Variants in NFIB observed in about 807,000 individuals in gnomAD.
NFIB encodes nuclear factor I B.
Under a neutral mutation model 61.5 loss-of-function variants are expected in NFIB, and 11 were observed. The observed-to-expected ratio is 0.18, with a 90% CI of 0.11 to 0.30. The LOEUF (loss-of-function observed/expected upper bound fraction) is 0.30. Ranked by LOEUF, NFIB falls within the 10% of genes least tolerant of loss-of-function variation. The pLI, the probability that NFIB is intolerant of heterozygous loss-of-function variation, is 1.00. For synonymous variants in NFIB, 260 were observed against 216.5 expected (o/e 1.20, Z -1.76); for missense variants, 471 against 608.9 (o/e 0.77, Z 2.38).
At chr9:14,286,510 T>C (rs777381120) in intron 2 of NFIB, among the ~76,000 whole-genome samples, 2 of 152,248 alleles carry the variant, frequency 1.3e-5, no homozygotes, top group Non-Finnish European at 2.9e-5. Flanking sequence ...TCCATTCTCA[T>C]GATCTCACTA....
chr9:14,306,958 C>T (rs761321969), intron 2 of NFIB, 31 bp downstream of exon 2: 6 of 1,607,248 alleles, frequency 3.7e-6, no homozygotes, highest in Admixed American at 3.3e-5. Flanking sequence ...CGGTGTTTGC[C>T]GTGCTAGAAA....
At chr9:14,204,342 T>G in intron 2 of NFIB, 1 of 789,068 alleles carries the variant, frequency 1.3e-6, no homozygotes, top group Non-Finnish European at 2.2e-6. Flanking sequence ...AACCCCCTGT[T>G]TGAGAAAAGG....
intron 2 of NFIB, among the ~76,000 whole-genome samples, chr9:14,240,518 G>C (rs1054067252): frequency 1.3e-5 from 2 of 152,146 alleles, no homozygotes; most frequent in Non-Finnish European, 2.9e-5. Context: ...ACACAAGACT[G>C]CTTCAAACTT....
intron 10 of NFIB, among the ~76,000 whole-genome samples, chr9:14,097,694 C>A (rs544816433): frequency 1.1e-4 from 17 of 151,876 alleles, no homozygotes; most frequent in Non-Finnish European, 1.9e-4. Flanking sequence ...TGGTTTGCAA[C>A]CCATTATTGA....
the NFIB span, among the ~76,000 whole-genome samples, chr9:14,409,665 G>A: frequency 6.6e-6 from 1 of 152,182 alleles, no homozygotes; most frequent in South Asian, 2.1e-4. Flanking sequence ...TGCTGAAAAA[G>A]TAGAAAGAAA....
intron 3 of NFIB, among the ~76,000 whole-genome samples, chr9:14,167,953 A>C (rs2045086674): frequency 6.6e-6 from 1 of 152,192 alleles, no homozygotes; most frequent in Non-Finnish European, 1.5e-5. Flanking sequence ...CTGAATCAGC[A>C]ATTATATTGG....
intron 2 of NFIB, among the ~76,000 whole-genome samples, chr9:14,275,372 C>T (rs994299425): frequency 6.6e-6 from 1 of 152,136 alleles, no homozygotes; most frequent in African/African-American, 2.4e-5. Context: ...CATATCAGTT[C>T]TGGGATTTTC....
chr9:14,310,814 T>C (rs1259922806), intron 1 of NFIB, among the ~76,000 whole-genome samples: 2 of 152,152 alleles, frequency 1.3e-5, no homozygotes, highest in African/African-American at 2.4e-5. Context: ...ATTTCAGATA[T>C]AAAAATAAAG....
intron 2 of NFIB, among the ~76,000 whole-genome samples, chr9:14,299,200 T>C (rs1232491810): frequency 6.6e-6 from 1 of 152,202 alleles, no homozygotes; most frequent in African/African-American, 2.4e-5. Context: ...CATGATTAGA[T>C]TTTTTGTCCC....
At chr9:14,498,062 G>A in the NFIB span, among the ~76,000 whole-genome samples, 1 of 152,160 alleles carries the variant, frequency 6.6e-6, no homozygotes, top group African/African-American at 2.4e-5. Flanking sequence ...TATGTCACTT[G>A]CAACTAAAAG....
intron 2 of NFIB, among the ~76,000 whole-genome samples, chr9:14,218,140 A>T (rs930376027): frequency 1.8e-4 from 27 of 152,210 alleles, no homozygotes; most frequent in African/African-American, 4.8e-4. Context: ...GAGAGCTCCA[A>T]GGTGGTATTT....
At chr9:14,399,233 G>A (rs544422907), upstream of NFIB, among the ~76,000 whole-genome samples, 1 of 152,312 alleles carries the variant, frequency 6.6e-6, no homozygotes, top group African/African-American at 2.4e-5. Context: ...AAAATTACAA[G>A]TGTGACTCTT....
chr9:14,355,829 T>C (rs961167664), intron 1 of NFIB, among the ~76,000 whole-genome samples: 2 of 151,904 alleles, frequency 1.3e-5, no homozygotes, highest in African/African-American at 2.4e-5. Context: ...TGGTGGCGGG[T>C]GCCTGTAGTC....
intron 8 of NFIB, among the ~76,000 whole-genome samples, chr9:14,118,876 T>A (rs751445435): frequency 6.6e-5 from 10 of 151,438 alleles, no homozygotes; most frequent in African/African-American, 1.9e-4. Context: ...TATCACCTAA[T>A]ATGCCCTCTT....
rs373359348 is a variant in NFIB at position 14,194,330 on chromosome 9, T to TCTC, written c.563-14553_563-14551dup. 6.6e-3 allele frequency among the ~76,000 whole-genome samples: 1,001 copies of TCTC among 152,126 alleles called. 10 individuals are homozygous for TCTC. The highest frequency in any genetic ancestry group is 0.017 in the African/African-American group (722 of 41,508). Reference sequence around the variant, plus strand: ...GTGTGACAGGTAAGCTAAGAGACAATCTCCATAAATATGACAGCAGACATA... The same window carrying TCTC: ...GTGTGACAGGTAAGCTAAGAGACAATCTCCTCCATAAATATGACAGCAGACATA... On this transcript the variant is annotated intron_variant, in intron 2 of 10. Transcript: ENST00000380953.
intron 2 of NFIB, among the ~76,000 whole-genome samples, chr9:14,224,926 T>C (rs796815952): frequency 1.4e-4 from 21 of 152,360 alleles, no homozygotes; most frequent in African/African-American, 4.6e-4. Flanking sequence ...CCTTTTCTTA[T>C]AGGAGAGCAC....
chr9:14,144,898 C>A (rs1378284050), intron 6 of NFIB, among the ~76,000 whole-genome samples: 1 of 152,112 alleles, frequency 6.6e-6, no homozygotes, highest in Non-Finnish European at 1.5e-5. Flanking sequence ...GCAGTGGGCT[C>A]AAGTGCAAGC....
At chr9:14,413,988 C>T in the NFIB span, among the ~76,000 whole-genome samples, 1 of 152,092 alleles carries the variant, frequency 6.6e-6, no homozygotes, top group African/African-American at 2.4e-5. Context: ...TCTCAATTTC[C>T]AGCTTTATAG....
At position 14,082,053 on chromosome 9, in the gene NFIB, C is replaced by A. The variant is rs978393599; in HGVS notation, c.*6256G>T. ...CAACCCACAAAAAGTACCCAAAGAA[C>A]GTTATCCTCCAACCGGGCACAATAA... On this transcript the variant is annotated 3_prime_UTR_variant, in exon 11 of 11. Transcript: ENST00000380953. The A allele has an allele frequency of 1.9e-5, 4 of 210,450 alleles. No individual in the cohort carries two copies. Among genetic ancestry groups the A allele is most frequent in the Non-Finnish European group, 2.9e-5 (3 of 103,300 alleles). 13.0% of individuals were successfully genotyped at this position (210,450 alleles called of 1,614,324 possible).
Sources: allele counts gnomAD v4.1 joint callset (sites outside exome capture counted in the v4.1 genomes callset), GRCh38; gene constraint gnomAD v4.1.1; transcripts MANE v1.5; gene names NCBI Gene and HGNC (gene_info 2026-07-23, HGNC 2026-07-21).